ASTN2: variants seen among roughly 807,000 people sequenced by gnomAD.
The protein encoded by ASTN2 is astrotactin-2.
A neutral mutation model predicts 139.8 loss-of-function variants in ASTN2; 54 were observed. The ratio of observed to expected loss-of-function variants is 0.39; its 90% confidence interval spans 0.31 to 0.48. ASTN2 has a LOEUF of 0.48. ASTN2 is among the 20% of genes least tolerant of loss of function. The probability of loss-of-function intolerance (pLI) is 0.95; values close to 1 mark genes in which losing one functional copy is unlikely to be tolerated. For synonymous variants in ASTN2, 756 were observed against 719.5 expected, an observed-to-expected ratio of 1.05 and a Z score of -0.81; for missense variants, 1,565 against 1,725.1, an observed-to-expected ratio of 0.91 and a Z score of 1.64.
intron 10 of ASTN2, among the ~76,000 whole-genome samples, chr9:116,870,592 AT>A (rs2132352019): frequency 6.6e-6 from 1 of 152,104 alleles, no homozygotes; most frequent in South Asian, 2.1e-4. Flanking sequence ...AATTATTATT[AT>A]TTTTTTCTGT....
At chr9:117,116,037 C>CATATATAT (rs113795526) in intron 4 of ASTN2, among the ~76,000 whole-genome samples, 4,285 of 140,384 alleles carry the variant, frequency 0.031, 209 homozygotes, top group African/African-American at 0.093. Flanking sequence ...AAAAAAAATG[C>CATATATAT]ATATATATAT....
intron 16 of ASTN2, among the ~76,000 whole-genome samples, chr9:116,659,189 T>C (rs1047523548): frequency 2.1e-5 from 3 of 140,608 alleles, no homozygotes; most frequent in East Asian, 1.9e-4. Flanking sequence ...TTTTATTATT[T>C]GATTTAATAT....
At chr9:116,788,447 A>G (rs1158640484) in intron 13 of ASTN2, among the ~76,000 whole-genome samples, 2 of 152,212 alleles carry the variant, frequency 1.3e-5, no homozygotes, top group Non-Finnish European at 2.9e-5. Context: ...ATATAGAAGT[A>G]GTATTTGTAC....
At position 116,698,203 on chromosome 9, in the gene ASTN2, C is replaced by G. The variant is rs781758209; in HGVS notation, c.2806+27568G>C. 6.2e-7 allele frequency: 1 copy of G among 1,614,146 alleles called. No individual in the cohort carries two copies. The highest frequency in any genetic ancestry group is 2.2e-5 in the East Asian group (1 of 44,864). On this transcript the variant is annotated intron_variant, in intron 16 of 22. Coordinates refer to ENST00000313400, the MANE Select transcript of ASTN2 (RefSeq NM_001365068.1). The surrounding 1 kb of genome is among the most constrained non-coding windows in gnomAD (Gnocchi z 4.4). ...CGTCGGGACTTTGGAGAGAAGTTAA[C>G]TCGTCTGCGGGAACTTATGGGGGAG...
At chr9:117,287,796 A>G (rs1834487205) in intron 2 of ASTN2, among the ~76,000 whole-genome samples, 1 of 152,240 alleles carries the variant, frequency 6.6e-6, no homozygotes, top group Non-Finnish European at 1.5e-5. Flanking sequence ...CAATGACAAT[A>G]TTAATAGCCA....
At chr9:116,652,471 C>T (rs1857974437) in intron 16 of ASTN2, among the ~76,000 whole-genome samples, 1 of 151,856 alleles carries the variant, frequency 6.6e-6, no homozygotes, top group African/African-American at 2.4e-5. Context: ...CTTCTGTCAA[C>T]CTACAAAAAG....
chr9:117,153,220 G>A (rs1034936244), intron 3 of ASTN2, among the ~76,000 whole-genome samples: 1 of 151,954 alleles, frequency 6.6e-6, no homozygotes, highest in African/African-American at 2.4e-5. Context: ...GCTTGTCGCA[G>A]CTAGTGTGCT....
At chr9:117,255,106 G>C (rs1261402756) in intron 2 of ASTN2, among the ~76,000 whole-genome samples, 1 of 152,186 alleles carries the variant, frequency 6.6e-6, no homozygotes, top group Non-Finnish European at 1.5e-5. Context: ...ACTGTTTGGT[G>C]ACTTATTCCA....
chr9:117,325,428 C>T (rs1828481773), intron 1 of ASTN2, among the ~76,000 whole-genome samples: 1 of 152,108 alleles, frequency 6.6e-6, no homozygotes, highest in Non-Finnish European at 1.5e-5. Flanking sequence ...TCAGTCTGGC[C>T]AGTCTCAAGT....
At chr9:117,243,132 C>T (rs1453265361) in intron 2 of ASTN2, among the ~76,000 whole-genome samples, 3 of 152,110 alleles carry the variant, frequency 2.0e-5, no homozygotes, top group African/African-American at 7.2e-5. Context: ...GAAACTGAGG[C>T]TTAGCAAGGT....
intron 16 of ASTN2, chr9:116,687,242 T>C (rs1203954535): frequency 1.0e-6 from 1 of 996,984 alleles, no homozygotes; most frequent in Non-Finnish European, 1.2e-6. Context: ...AGCCCCAGCA[T>C]GCTGGGGAGG....
intron 6 of ASTN2, among the ~76,000 whole-genome samples, chr9:117,022,676 C>T (rs924778501): frequency 3.3e-5 from 5 of 152,190 alleles, no homozygotes; most frequent in African/African-American, 1.2e-4. Flanking sequence ...ATTTATTCAT[C>T]CTTTGAAATT....
rs528666505 is a variant in ASTN2 at position 116,570,587 on chromosome 9, C to T, written c.3355+47737G>A. ...ATTTTTTTTGTATTTTTAGTACAGA[C>T]GGGGTTTCACCGTGTTAGCCAGGAT... On this transcript the variant is annotated intron_variant, in intron 19 of 22. Transcript: ENST00000313400. 6.6e-4 allele frequency among the ~76,000 whole-genome samples: 101 copies of T among 152,258 alleles called. 1 individual carries two copies. The highest frequency in any genetic ancestry group is 1.5e-3 in the South Asian group (7 of 4,822).
chr9:117,181,149 G>A (rs1831055469), intron 3 of ASTN2: 3 of 754,488 alleles, frequency 4.0e-6, no homozygotes, highest in Admixed American at 1.9e-5. Context: ...TGCAGCCATT[G>A]CACAATGGGC....
intron 6 of ASTN2, among the ~76,000 whole-genome samples, chr9:117,035,811 T>C (rs1289119630): frequency 6.6e-6 from 1 of 151,446 alleles, no homozygotes; most frequent in Non-Finnish European, 1.5e-5. Flanking sequence ...GATGGAGGAG[T>C]TTCAAGTGTT....
chr9:116,483,689 G>A (rs1027159633), intron 20 of ASTN2, among the ~76,000 whole-genome samples: 15 of 152,196 alleles, frequency 9.9e-5, no homozygotes, highest in African/African-American at 3.1e-4. Flanking sequence ...GAGAGGCACA[G>A]TAGTGCAAAA....
At chr9:116,931,398 G>A (rs1410831730) in intron 10 of ASTN2, among the ~76,000 whole-genome samples, 1 of 152,162 alleles carries the variant, frequency 6.6e-6, no homozygotes, top group Admixed American at 6.5e-5. Flanking sequence ...TCCCTCTCAT[G>A]GGGGAAGACA....
rs552169316 is a variant in ASTN2 at position 116,929,563 on chromosome 9, A to C, written c.1889+45645T>G. 3.9e-5 allele frequency among the ~76,000 whole-genome samples: 6 copies of C among 152,250 alleles called. No homozygotes were observed. The East Asian group carries it at 9.7e-4, about 25-fold the overall frequency. On this transcript the variant is annotated intron_variant, in intron 10 of 22. Transcript: ENST00000313400. ...CTGCATCTTGGAATATTTTGCACGTATCTCTCCCTAACCTGGAGAAATACA... is the reference window on the plus strand; with the variant it reads ...CTGCATCTTGGAATATTTTGCACGTCTCTCTCCCTAACCTGGAGAAATACA...
At chr9:116,788,886 G>A (rs1830452606) in intron 13 of ASTN2, among the ~76,000 whole-genome samples, 2 of 152,184 alleles carry the variant, frequency 1.3e-5, no homozygotes, top group Non-Finnish European at 1.5e-5. Context: ...ACCGAGTTTT[G>A]TTCAGCCTGA....
Sources: allele counts gnomAD v4.1 joint callset (sites outside exome capture counted in the v4.1 genomes callset), GRCh38; gene constraint gnomAD v4.1.1; non-coding constraint Gnocchi (gnomAD v3.1); transcripts MANE v1.5; gene names NCBI Gene and HGNC (gene_info 2026-07-23, HGNC 2026-07-21).